Variants in SLF2 observed in about 807,000 individuals in gnomAD.
SLF2 encodes SMC5-SMC6 complex localization factor protein 2.
In SLF2, 68 loss-of-function variants were observed where a neutral mutation model predicts 124.3. That is an observed-to-expected ratio of 0.55 (90% CI 0.45 to 0.67). The LOEUF (loss-of-function observed/expected upper bound fraction) is 0.67, where lower values mean the gene tolerates loss of function less well. SLF2 is among the 30% of genes least tolerant of loss of function. The pLI is 0.00. For synonymous variants in SLF2, 480 were observed against 478.8 expected (o/e 1.00, Z -0.03); for missense variants, 1,246 against 1,373.7 (o/e 0.91, Z 1.47).
intron 1 of SLF2, 139 bp downstream of exon 1, chr10:100,913,389 G>T (rs1849358586): frequency 7.3e-7 from 1 of 1,362,158 alleles, no homozygotes; most frequent in Admixed American, 3.6e-5. Context: ...GCAAATCCCC[G>T]CCCCGCCTCC....
chr10:100,960,579 G>T (rs940222011), intron 19 of SLF2, among the ~76,000 whole-genome samples: 1 of 152,226 alleles, frequency 6.6e-6, no homozygotes, highest in African/African-American at 2.4e-5. Flanking sequence ...TGTCTATTCA[G>T]ATCCTTTGCC....
At chr10:100,919,564 T>A (rs985995094) in intron 4 of SLF2, among the ~76,000 whole-genome samples, 1 of 152,220 alleles carries the variant, frequency 6.6e-6, no homozygotes, top group African/African-American at 2.4e-5. Flanking sequence ...TATCTTTTTT[T>A]AAAACTAGAA....
intron 10 of SLF2, 57 bp from the exon 11 acceptor site, chr10:100,938,538 C>A (rs955765783): frequency 3.9e-6 from 6 of 1,529,348 alleles, no homozygotes; most frequent in Non-Finnish European, 5.3e-6. Flanking sequence ...TGTCACCTTG[C>A]AAATGTGGGT....
chr10:100,915,541 T>C (rs1849398480), intron 1 of SLF2, among the ~76,000 whole-genome samples: 1 of 152,190 alleles, frequency 6.6e-6, no homozygotes, highest in Non-Finnish European at 1.5e-5. Flanking sequence ...TTGGCATACA[T>C]CTATTGAGTT....
chr10:100,950,735 T>G lies in SLF2; in HGVS notation c.3312T>G (p.Ser1104=). 3 of 1,613,908 alleles carry G rather than the reference T, an allele frequency of 1.9e-6. No homozygotes were observed. Among genetic ancestry groups the G allele is most frequent in the Non-Finnish European group, 2.5e-6 (3 of 1,179,820 alleles). ...TCGGTGAAGTTAGTTGTTCTCATTCTTTTTCTTCTGGACAACGGGTAGGTA... is the reference window on the plus strand; with the variant it reads ...TCGGTGAAGTTAGTTGTTCTCATTCGTTTTCTTCTGGACAACGGGTAGGTA... The part of the protein sequence containing the change: ...HLVGEVSCSH[S]FSSGQRKHFV... The change falls in exon 17 of 20, where the codon TCT becomes TCG. Residue 1104 remains serine (S), a synonymous_variant. Coordinates refer to ENST00000238961, the MANE Select transcript of SLF2 (RefSeq NM_018121.4).
In SLF2 at chr10:100,964,412, TTTTC is replaced by T. The variant is rs1850475418; in HGVS notation, c.*2503_*2506del. On this transcript the variant is annotated 3_prime_UTR_variant, in exon 20 of 20. Coordinates refer to ENST00000238961, the MANE Select transcript of SLF2 (RefSeq NM_018121.4). Reference sequence around the variant, plus strand: ...GTAACTGTTTGCCTTTTCTAACTGCTTTTCTTGTTACTGAAAATATAATTCTACT... The same window carrying T: ...GTAACTGTTTGCCTTTTCTAACTGCTTTGTTACTGAAAATATAATTCTACT... The T allele has an allele frequency of 6.5e-6, 1 of 152,690 alleles. No homozygotes were observed. Among genetic ancestry groups the T allele is most frequent in the South Asian group, 2.1e-4 (1 of 4,828 alleles). 9.5% of individuals were successfully genotyped at this position (152,690 alleles called of 1,614,324 possible).
chr10:100,950,136 G>A lies in SLF2; in HGVS notation c.3181G>A (p.Val1061Ile). The change falls in exon 16 of 20, where the codon GTC (valine) becomes ATC (isoleucine). Residue 1061 changes from valine to isoleucine, a missense_variant. By Grantham distance (29) the Val-to-Ile change is conservative. This residue lies in a region of SLF2 where 535 missense variants were observed against 632.8 expected (regional missense o/e 0.85). Coordinates refer to ENST00000238961, the MANE Select transcript of SLF2 (RefSeq NM_018121.4). ...GCCTTCTGATTTGTTAAAGAAAATG[G>A]TCTTGAAGAAAAAGGCTGAACAACC... The part of the protein sequence containing the change: ...MKPSDLLKKM[V>I]LKKKAEQPDG... 6.2e-7 allele frequency: 1 copy of A among 1,613,806 alleles called. No individual in the cohort carries two copies. The highest frequency in any genetic ancestry group is 8.5e-7 in the Non-Finnish European group (1 of 1,179,918).
chr10:100,928,100 AGAG>A (rs1156401138), intron 6 of SLF2, among the ~76,000 whole-genome samples: 1 of 122,562 alleles, frequency 8.2e-6, no homozygotes, highest in Non-Finnish European at 1.8e-5. Context: ...AGAGAGAGAG[AGAG>A]AAAAGTTGAG....
chr10:100,942,593 A>G (rs2133806834), intron 11 of SLF2, among the ~76,000 whole-genome samples: 1 of 152,078 alleles, frequency 6.6e-6, no homozygotes, highest in East Asian at 1.9e-4. Flanking sequence ...ATCTCAGCTC[A>G]CTGCAACCTC....
chr10:100,959,590 ACTTG>A, intron 19 of SLF2, 94 bp downstream of exon 19: 1 of 1,474,838 alleles, frequency 6.8e-7, no homozygotes, highest in Middle Eastern at 2.3e-4. Flanking sequence ...ATAACAGTGC[ACTTG>A]CTTCTAGTTA....
chr10:100,940,426 C>T (rs1397460415), intron 11 of SLF2, among the ~76,000 whole-genome samples: 1 of 151,842 alleles, frequency 6.6e-6, no homozygotes, highest in Non-Finnish European at 1.5e-5. Flanking sequence ...GTGACACAAT[C>T]TCAGCTCACA....
rs762107493 is a variant in SLF2 at position 100,947,039 on chromosome 10, G to A, written c.2935G>A (p.Val979Met). Reference protein sequence around the residue: ...MKNIRDWNTKVPELCLGINEL... With the variant: ...MKNIRDWNTKMPELCLGINEL... ...AATCTTACATGTTCTTTTTTTTCAG[G>A]TGCCTGAACTCTGTCTGGGCATAAA... The change falls in exon 14 of 20, where the codon GTG becomes ATG. Residue 979 changes from valine (V) to methionine (M), a missense_variant and splice_region_variant. Physicochemically the swap from Val to Met is conservative, Grantham distance 21. Around this residue, in one of 3 missense-constraint regions of SLF2, gnomAD observed 535 missense variants for 632.8 expected, o/e 0.85. Transcript: ENST00000238961. The A allele has an allele frequency of 1.2e-6, 2 of 1,611,770 alleles. No individual in the cohort carries two copies. Among genetic ancestry groups the A allele is most frequent in the South Asian group, 2.2e-5 (2 of 91,006 alleles).
In SLF2 at chr10:100,916,851, C is replaced by G. The variant is rs1310163344; in HGVS notation, c.466C>G (p.His156Asp). The change falls in exon 3 of 20, where the codon CAC becomes GAC. Residue 156 changes from histidine (H) to aspartate (D), a missense_variant. Coordinates refer to ENST00000238961, the MANE Select transcript of SLF2 (RefSeq NM_018121.4). ...GTNIYVPSSY[H>D]LPKEMKSLKK... is the part of the protein sequence containing the mutation. Reference sequence around the variant, plus strand: ...AAATATCTATGTTCCTTCTTCATATCACTTGCCAAAGGAGATGAAGTCACT... The same window carrying G: ...AAATATCTATGTTCCTTCTTCATATGACTTGCCAAAGGAGATGAAGTCACT... 2 of 1,614,190 alleles carry G rather than the reference C, an allele frequency of 1.2e-6. No homozygotes were observed. The highest frequency in any genetic ancestry group is 2.2e-5 in the South Asian group (2 of 91,080).
chr10:100,956,785 G>A (rs1367507822), intron 18 of SLF2, among the ~76,000 whole-genome samples: 1 of 152,070 alleles, frequency 6.6e-6, no homozygotes, highest in Non-Finnish European at 1.5e-5. Flanking sequence ...AAATAGCCAG[G>A]CATGGTGTCA....
At chr10:100,920,650 A>G (rs992246750) in intron 4 of SLF2, among the ~76,000 whole-genome samples, 1 of 152,226 alleles carries the variant, frequency 6.6e-6, no homozygotes, top group Non-Finnish European at 1.5e-5. Context: ...GTCTGATAGC[A>G]AAATTATTAA....
At chr10:100,940,979 G>A (rs758837430) in intron 11 of SLF2, among the ~76,000 whole-genome samples, 26 of 151,028 alleles carry the variant, frequency 1.7e-4, no homozygotes, top group Admixed American at 9.3e-4. Flanking sequence ...TGGGATTACA[G>A]ACACACGCCA....
chr10:100,933,744 A>G (rs1450384761), intron 9 of SLF2, among the ~76,000 whole-genome samples: 1 of 152,150 alleles, frequency 6.6e-6, no homozygotes, highest in African/African-American at 2.4e-5. Flanking sequence ...CAGTGGCGTG[A>G]TCTCTGCTCA....
intron 9 of SLF2, 82 bp downstream of exon 9, chr10:100,931,160 C>T (rs1286727958): frequency 4.6e-5 from 50 of 1,098,504 alleles, no homozygotes; most frequent in Non-Finnish European, 5.6e-5. Context: ...TTTATTTGCA[C>T]ATTACTGCAG....
intron 1 of SLF2, among the ~76,000 whole-genome samples, chr10:100,914,137 A>G (rs758550882): frequency 6.6e-6 from 1 of 152,190 alleles, no homozygotes; most frequent in Non-Finnish European, 1.5e-5. Flanking sequence ...TTGCTGGAGA[A>G]ATGTCAGTGG....
Sources: allele counts gnomAD v4.1 joint callset (sites outside exome capture counted in the v4.1 genomes callset), GRCh38; gene constraint gnomAD v4.1.1; regional missense constraint gnomAD v4.1.1; transcripts MANE v1.5; gene names NCBI Gene and HGNC (gene_info 2026-07-23, HGNC 2026-07-21).